The following CHRNA3 variants were observed in gnomAD, a reference collection of about 807,000 sequenced individuals.
CHRNA3 encodes the protein cholinergic receptor nicotinic alpha 3 subunit.
Under a neutral mutation model 41.9 loss-of-function variants are expected in CHRNA3, and 34 were observed. That is an observed-to-expected ratio of 0.81 (90% CI 0.62 to 1.08). CHRNA3 has a LOEUF of 1.08. Among genes scored for constraint, CHRNA3 ranks in the 50% least tolerant of loss-of-function variants. The pLI, the probability that CHRNA3 is intolerant of heterozygous loss-of-function variation, is 0.00. For synonymous variants in CHRNA3, 281 were observed against 265.2 expected (o/e 1.06, Z -0.58); for missense variants, 542 against 638.3 (o/e 0.85, Z 1.63).
chr15:78,603,357 G>A (rs1001067910), intron 4 of CHRNA3, among the ~76,000 whole-genome samples: 1 of 152,148 alleles, frequency 6.6e-6, no homozygotes, highest in Non-Finnish European at 1.5e-5. Flanking sequence ...TGGTTTGTTC[G>A]ACAGAAAATC....
Position 78,599,670 on chromosome 15 carries a change from C to G in CHRNA3, c.1389+1583G>C, listed in dbSNP as rs116932868. ...CCTTTGTAGCCCCCTGGATTTATTT[C>G]TCTTCTTATTGGCATGCCTTCTCAA... On this transcript the variant is annotated intron_variant, in intron 5 of 5. Transcript: ENST00000326828. 8.2e-3 allele frequency among the ~76,000 whole-genome samples: 1,218 copies of G among 148,134 alleles called. 19 individuals are homozygous for G. The highest frequency in any genetic ancestry group is 0.042 in the Admixed American group (614 of 14,594).
chr15:78,618,741 C>A (rs1221448227), intron 2 of CHRNA3, 35 bp downstream of exon 2: 1 of 1,614,148 alleles, frequency 6.2e-7, no homozygotes, highest in South Asian at 1.1e-5. Flanking sequence ...AAGCCCCGGT[C>A]CCCATGGCCA....
chr15:78,607,542 A>AGGAGATTGAGACCATCCTGGCTAAG, intron 4 of CHRNA3: 1 of 141,558 alleles, frequency 7.1e-6, no homozygotes, highest in African/African-American at 3.1e-5. Flanking sequence ...TCCTGGCTAA[A>AGGAGATTGAGACCATCCTGGCTAAG]ACGGTGAAAC....
chr15:78,614,120 T>G (rs906982472), intron 4 of CHRNA3, among the ~76,000 whole-genome samples: 12 of 152,202 alleles, frequency 7.9e-5, no homozygotes, highest in African/African-American at 2.9e-4. Context: ...CCACAGCCAA[T>G]TTGCAACATT....
chr15:78,607,218 C>CA (rs34822304), intron 4 of CHRNA3, among the ~76,000 whole-genome samples: 13,418 of 110,882 alleles, frequency 0.12, 824 homozygotes, highest in East Asian at 0.27. Flanking sequence ...ACTCTGTCTC[C>CA]AAAAAAAAAA....
At chr15:78,593,923 C>T (rs1278352607), downstream of CHRNA3, 1 of 152,202 alleles carries the variant, frequency 6.6e-6, no homozygotes, top group Admixed American at 6.6e-5. Flanking sequence ...CCTGTAATCC[C>T]AGCTACCTGG....
Position 78,620,985 on chromosome 15 carries a change from A to C in CHRNA3, c.-191T>G. The C allele has an allele frequency of 2.0e-6, 1 of 506,172 alleles. No homozygotes were observed. Among genetic ancestry groups the C allele is most frequent in the Non-Finnish European group, 2.7e-6 (1 of 370,518 alleles). 31.4% of individuals were successfully genotyped at this position (506,172 alleles called of 1,614,324 possible). The stretch of plus-strand genomic sequence containing the variant: ...CCCTCGGACCCGCGGGAGGACAGGA[A>C]CCATCCGGAGTGAAGCTGCGCCAGG... On this transcript the variant is annotated 5_prime_UTR_variant, in exon 1 of 6. Coordinates refer to ENST00000326828, the MANE Select transcript of CHRNA3 (RefSeq NM_000743.5).
At chr15:78,593,091 GGTT>G (rs1377177829), downstream of CHRNA3, 1 of 1,602,404 alleles carries the variant, frequency 6.2e-7, no homozygotes, top group Admixed American at 1.7e-5. Context: ...TTTCCTAACA[GGTT>G]GTTGAAGATT....
intron 4 of CHRNA3, among the ~76,000 whole-genome samples, chr15:78,609,781 A>G (rs893243098): frequency 3.3e-5 from 5 of 152,198 alleles, no homozygotes; most frequent in East Asian, 1.9e-4. Context: ...GACACAGACT[A>G]GCAAATTGGA....
chr15:78,601,749 G>A lies in CHRNA3; in HGVS notation c.893C>T (p.Ser298Leu), dbSNP rs750981168. The change falls in exon 5 of 6, where the codon TCG becomes TTG. Residue 298 changes from serine (S) to leucine (L), a missense_variant. Ser to Leu is a moderately radical substitution (Grantham distance 145). Coordinates refer to ENST00000326828, the MANE Select transcript of CHRNA3 (RefSeq NM_000743.5). Reference sequence around the variant, plus strand: ...CTCTCCAATCAGGGGGATGACCAGCGAGGTGGAAGGGATGGTCTCAGTGAT... The same window carrying A: ...CTCTCCAATCAGGGGGATGACCAGCAAGGTGGAAGGGATGGTCTCAGTGAT... ...LVITETIPST[S>L]LVIPLIGEYL... The A allele has an allele frequency of 6.2e-7, 1 of 1,614,168 alleles. No individual in the cohort carries two copies.
chr15:78,596,765 TGGAG>T (rs745635408), intron 5 of CHRNA3, 33 bp from the exon 6 acceptor site: 11 of 1,583,788 alleles, frequency 6.9e-6, no homozygotes, highest in East Asian at 4.5e-5. Flanking sequence ...AAAAAAAACA[TGGAG>T]GGAAAGGCAA....
At position 78,618,830 on chromosome 15, in the gene CHRNA3, C is replaced by G; in HGVS notation, c.168G>C (p.Val56=). 1 of 1,614,022 alleles carries G rather than the reference C, an allele frequency of 6.2e-7. No homozygotes were observed. Among genetic ancestry groups the G allele is most frequent in the Non-Finnish European group, 8.5e-7 (1 of 1,179,912 alleles). Residue 56 remains valine (V), a synonymous_variant, in exon 2 of 6, where the codon GTG becomes GTC. Transcript: ENST00000326828. ...CGAAATGGATGATGACTGGGTCAGA[C>G]ACGTTGGCTACAGGCCGGATGATCT... ...YNEIIRPVAN[V]SDPVIIHFEV...
chr15:78,613,603 G>A (rs1056780009), intron 4 of CHRNA3, among the ~76,000 whole-genome samples: 41 of 151,014 alleles, frequency 2.7e-4, no homozygotes, highest in Non-Finnish European at 4.9e-4. Context: ...ATAGCATTAG[G>A]AGATATACCT....
chr15:78,603,959 G>T (rs1466916566), intron 4 of CHRNA3, among the ~76,000 whole-genome samples: 1 of 152,070 alleles, frequency 6.6e-6, no homozygotes, highest in Non-Finnish European at 1.5e-5. Context: ...GTTTAGCACT[G>T]AGGGGCCCTG....
At chr15:78,600,674 C>T (rs1020893889) in intron 5 of CHRNA3, among the ~76,000 whole-genome samples, 1 of 152,104 alleles carries the variant, frequency 6.6e-6, no homozygotes, top group Admixed American at 6.6e-5. Flanking sequence ...GTCGAGGAGT[C>T]TGAGACCAAC....
At chr15:78,595,104 G>T, downstream of CHRNA3, 1 of 162,302 alleles carries the variant, frequency 6.2e-6, no homozygotes. Flanking sequence ...TATCTAATTT[G>T]CATTTAATCG....
chr15:78,597,385 C>G (rs1047362116), intron 5 of CHRNA3, among the ~76,000 whole-genome samples: 1 of 152,188 alleles, frequency 6.6e-6, no homozygotes, highest in East Asian at 1.9e-4. Context: ...GAGCAGAGAT[C>G]ACGCCACTGC....
chr15:78,607,139 G>A (rs1170086661), intron 4 of CHRNA3, among the ~76,000 whole-genome samples: 2 of 149,028 alleles, frequency 1.3e-5, no homozygotes, highest in African/African-American at 4.9e-5. Context: ...TGAGGCAGGA[G>A]AATAGCTGGA....
At chr15:78,617,396 C>G (rs72650605) in intron 3 of CHRNA3, among the ~76,000 whole-genome samples, 2 of 152,150 alleles carry the variant, frequency 1.3e-5, no homozygotes, top group Non-Finnish European at 2.9e-5. Context: ...ATCAACCAAA[C>G]AGGGCCTACT....
Sources: gnomAD v4.1 joint callset for allele counts (sites outside exome capture counted in the v4.1 genomes callset) on GRCh38, gnomAD v4.1.1 for gene constraint, MANE v1.5 for transcripts, NCBI Gene and HGNC (gene_info 2026-07-23, HGNC 2026-07-21) for gene names.